Variants in CACNB2 observed in about 807,000 individuals in gnomAD.
CACNB2 encodes the protein calcium voltage-gated channel auxiliary subunit beta 2, also known as voltage-dependent L-type calcium channel subunit beta-2.
A neutral mutation model predicts 73.3 loss-of-function variants in CACNB2; 42 were observed. The ratio of observed to expected loss-of-function variants is 0.57; its 90% confidence interval spans 0.45 to 0.74. CACNB2 has a LOEUF of 0.74. CACNB2 is among the 30% of genes least tolerant of loss of function. The pLI is 0.00. For synonymous variants in CACNB2, 348 were observed against 310.3 expected (o/e 1.12, Z -1.28); for missense variants, 940 against 853.0 (o/e 1.10, Z -1.27).
intron 2 of CACNB2, among the ~76,000 whole-genome samples, chr10:18,258,465 C>T (rs1048466417): frequency 1.3e-5 from 2 of 152,160 alleles, no homozygotes; most frequent in African/African-American, 4.8e-5. Flanking sequence ...CGGTGGCTCA[C>T]GCCTGTAATC....
intron 2 of CACNB2, among the ~76,000 whole-genome samples, chr10:18,189,923 C>A (rs564973545): frequency 6.6e-6 from 1 of 152,108 alleles, no homozygotes; most frequent in Non-Finnish European, 1.5e-5. Flanking sequence ...TTCCCGACAC[C>A]CTGGGCACCT....
At chr10:18,507,636 CA>C (rs142050375) in intron 6 of CACNB2, among the ~76,000 whole-genome samples, 1 of 151,268 alleles carries the variant, frequency 6.6e-6, no homozygotes, top group African/African-American at 2.4e-5. Flanking sequence ...ATTTGAATTG[CA>C]AAAAAAAGCA....
intron 5 of CACNB2, among the ~76,000 whole-genome samples, chr10:18,501,490 G>C (rs1358485207): frequency 6.6e-6 from 1 of 152,250 alleles, no homozygotes; most frequent in Non-Finnish European, 1.5e-5. Flanking sequence ...GCAATTAGAT[G>C]AGTTATGTAA....
In CACNB2 at chr10:18,340,977, G is replaced by A; in HGVS notation, c.214-60947G>A. Reference sequence around the variant, plus strand: ...CTCAAACTAAATACATTATTCCTGGGGTAAGCATACGGGAGAGAAGCCGGC... The same window carrying A: ...CTCAAACTAAATACATTATTCCTGGAGTAAGCATACGGGAGAGAAGCCGGC... On this transcript the variant is annotated intron_variant, in intron 2 of 13. Transcript: ENST00000324631. 1 of 1,614,010 alleles carries A rather than the reference G, an allele frequency of 6.2e-7. No homozygotes were observed.
At chr10:18,291,507 C>T (rs1347561097) in intron 2 of CACNB2, among the ~76,000 whole-genome samples, 1 of 152,224 alleles carries the variant, frequency 6.6e-6, no homozygotes, top group African/African-American at 2.4e-5. Flanking sequence ...CCATAGTGAT[C>T]AGAGTAGCAA....
intron 10 of CACNB2, among the ~76,000 whole-genome samples, 192 bp downstream of exon 10, chr10:18,527,889 G>A (rs1246152567): frequency 6.6e-6 from 1 of 152,190 alleles, no homozygotes; most frequent in African/African-American, 2.4e-5. Flanking sequence ...TTCAAGTTAA[G>A]AATTCCACAG....
chr10:18,220,110 AATATATATATATATATAT>A (rs1165921150), intron 2 of CACNB2, among the ~76,000 whole-genome samples: 3,057 of 32,708 alleles, frequency 0.093, 230 homozygotes, highest in African/African-American at 0.14. Context: ...TTTATTTTTT[AATATATATATATATATAT>A]ATATATATAT....
At chr10:18,376,781 A>G (rs10828606) in intron 2 of CACNB2, among the ~76,000 whole-genome samples, 38,390 of 151,700 alleles carry the variant, frequency 0.25, 5,288 homozygotes, top group East Asian at 0.65. Flanking sequence ...GGTTTATCTC[A>G]GGGCTAGCAT....
At chr10:18,379,397 A>G (rs1182607828) in intron 2 of CACNB2, among the ~76,000 whole-genome samples, 3 of 152,046 alleles carry the variant, frequency 2.0e-5, no homozygotes, top group African/African-American at 7.2e-5. Flanking sequence ...ATTTTTTGGT[A>G]GAGACATGGT....
rs193224416 is a variant in CACNB2 at position 18,189,264 on chromosome 10, C to T, written c.213+38289C>T. ...TAAACGAGAATTTAATGCTCATGAA[C>T]GTGTCATTAAAAATAGCTACTAATC... On this transcript the variant is annotated intron_variant, in intron 2 of 13. Transcript: ENST00000324631. 3.3e-3 allele frequency among the ~76,000 whole-genome samples: 495 copies of T among 152,108 alleles called. 2 individuals are homozygous for T. Among genetic ancestry groups the T allele is most frequent in the African/African-American group, 0.011 (474 of 41,494 alleles).
At chr10:18,504,554 C>G (rs61839306) in intron 5 of CACNB2, among the ~76,000 whole-genome samples, 2 of 152,018 alleles carry the variant, frequency 1.3e-5, no homozygotes, top group African/African-American at 4.8e-5. Context: ...CTTTGATTTT[C>G]TTCATTTTAT....
chr10:18,519,040 G>A lies in CACNB2; in HGVS notation c.944+72G>A, dbSNP rs543397924. 1.0e-4 allele frequency: 134 copies of A among 1,309,542 alleles called. No individual in the cohort carries two copies. In the African/African-American group the frequency reaches 1.8e-3, roughly 18 times the overall value. The allele number at this position is 1,309,542 out of a possible 1,614,324, so 81.1% of individuals were successfully genotyped here. On this transcript the variant is annotated intron_variant, in intron 9 of 13. Coordinates refer to ENST00000324631, the MANE Select transcript of CACNB2 (RefSeq NM_201596.3). ...GGCAAAACGCTGGTGGGACATGCGT[G>A]TGATTCCAAGAGAAAATGGCCCTCT...
intron 2 of CACNB2, among the ~76,000 whole-genome samples, chr10:18,320,199 C>G (rs1439669368): frequency 6.6e-6 from 1 of 152,124 alleles, no homozygotes; most frequent in Non-Finnish European, 1.5e-5. Context: ...TCTGTTGACC[C>G]TTTTATACCC....
chr10:18,523,351 T>C (rs1321775192), intron 9 of CACNB2, among the ~76,000 whole-genome samples: 1 of 152,212 alleles, frequency 6.6e-6, no homozygotes, highest in Admixed American at 6.5e-5. Context: ...TACTTAAACC[T>C]GAGTAAGTTT....
intron 3 of CACNB2, among the ~76,000 whole-genome samples, chr10:18,449,237 TA>T (rs890565338): frequency 1.3e-3 from 202 of 152,100 alleles, no homozygotes; most frequent in African/African-American, 4.7e-3. Flanking sequence ...ACAAAAAAAT[TA>T]GCCGGGCGTG....
intron 12 of CACNB2, 148 bp from the exon 13 acceptor site, chr10:18,538,032 A>G (rs2053777439): frequency 2.6e-6 from 2 of 772,140 alleles, no homozygotes; most frequent in Admixed American, 1.9e-5. Flanking sequence ...TCCTAACTAA[A>G]TAAAAAGGGA....
chr10:18,488,347 T>C (rs1422277830), intron 3 of CACNB2, among the ~76,000 whole-genome samples: 12 of 150,882 alleles, frequency 8.0e-5, no homozygotes, highest in Admixed American at 7.9e-4. Flanking sequence ...TGGTGGCAGG[T>C]GCCTGTAGTC....
chr10:18,250,868 T>TACATCATC (rs1475493946), intron 2 of CACNB2, among the ~76,000 whole-genome samples: 2 of 152,238 alleles, frequency 1.3e-5, no homozygotes, highest in African/African-American at 4.8e-5. Flanking sequence ...CAAAGCTACC[T>TACATCATC]ACATCATCTT....
intron 2 of CACNB2, among the ~76,000 whole-genome samples, chr10:18,379,315 C>T (rs768397727): frequency 1.7e-4 from 26 of 152,110 alleles, no homozygotes; most frequent in Non-Finnish European, 1.2e-4. Flanking sequence ...CAGGTTCAAG[C>T]GATTCTCGTG....
Sources: allele counts gnomAD v4.1 joint callset (sites outside exome capture counted in the v4.1 genomes callset), GRCh38; gene constraint gnomAD v4.1.1; transcripts MANE v1.5; gene names NCBI Gene and HGNC (gene_info 2026-07-23, HGNC 2026-07-21).